KCNAB1: variants seen among roughly 807,000 people sequenced by gnomAD.
KCNAB1 encodes potassium voltage-gated channel subfamily A regulatory beta subunit 1, also known as voltage-gated potassium channel subunit beta-1.
In KCNAB1, 35 loss-of-function variants were observed where a neutral mutation model predicts 64.6. The ratio of observed to expected loss-of-function variants is 0.54; its 90% CI spans 0.41 to 0.72. KCNAB1 has a LOEUF of 0.72. KCNAB1 is among the 30% of genes least tolerant of loss of function. The pLI is 0.00. For missense variants in KCNAB1, 401 were observed against 512.9 expected (o/e 0.78, Z 2.11); for synonymous variants, 177 against 183.8 (o/e 0.96, Z 0.30).
chr3:156,277,633 C>A (rs143720434), intron 1 of KCNAB1, among the ~76,000 whole-genome samples: 85 of 152,220 alleles, frequency 5.6e-4, no homozygotes, highest in African/African-American at 2.0e-3. Flanking sequence ...TTTAAAAAAA[C>A]CCATTCATCC....
intron 1 of KCNAB1, among the ~76,000 whole-genome samples, chr3:156,128,688 C>T (rs1391266873): frequency 2.6e-5 from 4 of 152,186 alleles, no homozygotes; most frequent in African/African-American, 9.7e-5. Context: ...CTTGTCCAGG[C>T]TTCTTTACAT....
At position 156,167,949 on chromosome 3, in the gene KCNAB1, TC is replaced by T. The variant is rs577258678; in HGVS notation, c.275+47065del. Among the ~76,000 whole-genome samples, 887 of 152,286 alleles carry T rather than the reference TC, an allele frequency of 5.8e-3. 10 individuals are homozygous for T. Among genetic ancestry groups the T allele is most frequent in the African/African-American group, 0.02 (838 of 41,550 alleles). ...TGGGCATGGTGGCTCATGCCTATAA[TC>T]CTAGCACCTTGGGAGGCTGAGGTGG... On this transcript the variant is annotated intron_variant, in intron 1 of 13. Transcript: ENST00000490337.
chr3:156,266,942 C>T (rs553665983), intron 1 of KCNAB1, among the ~76,000 whole-genome samples: 1 of 152,214 alleles, frequency 6.6e-6, no homozygotes, highest in South Asian at 2.1e-4. Context: ...TGTAGACCTA[C>T]AGGCTCCCCA....
intron 1 of KCNAB1, among the ~76,000 whole-genome samples, chr3:156,325,470 T>C (rs1395899839): frequency 6.6e-6 from 1 of 152,128 alleles, no homozygotes; most frequent in Non-Finnish European, 1.5e-5. Flanking sequence ...ATACTATTAT[T>C]TGATGGATTT....
At chr3:156,303,249 A>G (rs1721276791) in intron 1 of KCNAB1, among the ~76,000 whole-genome samples, 1 of 152,186 alleles carries the variant, frequency 6.6e-6, no homozygotes, top group South Asian at 2.1e-4. Flanking sequence ...TCTTGATTTC[A>G]AATCATTTAA....
chr3:156,365,075 G>A (rs564135386), intron 1 of KCNAB1, among the ~76,000 whole-genome samples: 1 of 152,304 alleles, frequency 6.6e-6, no homozygotes, highest in East Asian at 1.9e-4. Flanking sequence ...CTGGGGAAAG[G>A]AAAGAGGAAA....
intron 1 of KCNAB1, among the ~76,000 whole-genome samples, chr3:156,329,654 G>A (rs979792640): frequency 1.3e-5 from 2 of 152,094 alleles, no homozygotes; most frequent in African/African-American, 2.4e-5. Context: ...CAAGTAATGT[G>A]AGAATTTGGC....
chr3:156,505,635 G>C (rs1716786150), intron 8 of KCNAB1, among the ~76,000 whole-genome samples: 1 of 152,032 alleles, frequency 6.6e-6, no homozygotes, highest in African/African-American at 2.4e-5. Context: ...TTTATTTATA[G>C]GTGTATTATG....
intron 1 of KCNAB1, among the ~76,000 whole-genome samples, chr3:156,284,800 A>G (rs1719993049): frequency 6.6e-6 from 1 of 152,278 alleles, no homozygotes; most frequent in African/African-American, 2.4e-5. Flanking sequence ...TTCCCAAGTG[A>G]GGCAATGCCT....
At chr3:156,188,479 T>C (rs968763210) in intron 1 of KCNAB1, among the ~76,000 whole-genome samples, 7 of 152,184 alleles carry the variant, frequency 4.6e-5, no homozygotes, top group Admixed American at 1.3e-4. Flanking sequence ...AAAAATTGAT[T>C]CTTCTGATTT....
chr3:156,285,071 G>A (rs977216362), intron 1 of KCNAB1, among the ~76,000 whole-genome samples: 1 of 152,198 alleles, frequency 6.6e-6, no homozygotes, highest in African/African-American at 2.4e-5. Flanking sequence ...GAGGCAGCGT[G>A]AGTTTAAAAA....
intron 1 of KCNAB1, among the ~76,000 whole-genome samples, chr3:156,333,502 A>T (rs940322147): frequency 6.6e-6 from 1 of 152,128 alleles, no homozygotes; most frequent in Admixed American, 6.6e-5. Flanking sequence ...TTCTTTGTGT[A>T]GCTATATTAT....
intron 1 of KCNAB1, among the ~76,000 whole-genome samples, chr3:156,127,416 A>T (rs1245453968): frequency 6.6e-6 from 1 of 152,210 alleles, no homozygotes; most frequent in Admixed American, 6.5e-5. Flanking sequence ...TTATTTTCAG[A>T]GATATTGGAA....
chr3:156,511,626 C>T (rs1004392584), intron 8 of KCNAB1, among the ~76,000 whole-genome samples: 2 of 152,152 alleles, frequency 1.3e-5, no homozygotes, highest in Admixed American at 6.5e-5. Flanking sequence ...AATCCATCCA[C>T]CACTCTCTCT....
intron 1 of KCNAB1, among the ~76,000 whole-genome samples, chr3:156,151,116 C>T (rs547063847): frequency 1.3e-5 from 2 of 152,134 alleles, no homozygotes; most frequent in Non-Finnish European, 2.9e-5. Flanking sequence ...CAGACTGGAA[C>T]GTGTGTGCTA....
chr3:156,259,131 A>G (rs1560162563), intron 1 of KCNAB1, among the ~76,000 whole-genome samples: 1 of 152,230 alleles, frequency 6.6e-6, no homozygotes, highest in Non-Finnish European at 1.5e-5. Flanking sequence ...TGTAGAAGCA[A>G]ACCATTTCAA....
intron 8 of KCNAB1, among the ~76,000 whole-genome samples, chr3:156,509,375 GTGCTGCTGC>G (rs67594426): frequency 6.6e-4 from 99 of 151,052 alleles, no homozygotes; most frequent in South Asian, 1.0e-3. Flanking sequence ...AAGTTTCCAG[GTGCTGCTGC>G]TGCTGCTGCT....
chr3:156,429,342 T>C (rs1716052299), intron 2 of KCNAB1, among the ~76,000 whole-genome samples: 1 of 152,190 alleles, frequency 6.6e-6, no homozygotes, highest in Admixed American at 6.5e-5. Flanking sequence ...CATTTCCAAC[T>C]GGACTGGAAA....
chr3:156,453,095 TC>T (rs1020039958), intron 3 of KCNAB1, 159 bp downstream of exon 3: 3 of 510,508 alleles, frequency 5.9e-6, no homozygotes, highest in African/African-American at 5.8e-5. Flanking sequence ...ATTTTATTTT[TC>T]CTGTTGTATT....
Sources: allele counts gnomAD v4.1 joint callset (sites outside exome capture counted in the v4.1 genomes callset), GRCh38; gene constraint gnomAD v4.1.1; transcripts MANE v1.5; gene names NCBI Gene and HGNC (gene_info 2026-07-23, HGNC 2026-07-21).